PANX1: variants seen among roughly 807,000 people sequenced by gnomAD.
The protein encoded by PANX1 is pannexin-1.
Under a neutral mutation model 38.7 loss-of-function variants are expected in PANX1, and 30 were observed. The ratio of observed to expected loss-of-function variants is 0.78; its 90% CI spans 0.58 to 1.05. The LOEUF (loss-of-function observed/expected upper bound fraction) is 1.05. Among genes scored for constraint, PANX1 ranks in the 50% least tolerant of loss-of-function variants. PANX1 has a pLI of 0.00. For missense variants in PANX1, 551 were observed against 517.2 expected, an observed-to-expected ratio of 1.07 and a Z score of -0.63; for synonymous variants, 230 against 212.2, an observed-to-expected ratio of 1.08 and a Z score of -0.73.
chr11:94,136,113 C>G (rs897177460), intron 1 of PANX1, among the ~76,000 whole-genome samples: 4 of 152,038 alleles, frequency 2.6e-5, no homozygotes, highest in African/African-American at 4.8e-5. Flanking sequence ...GGAGACTAGT[C>G]GCAGCAGTAT....
intron 1 of PANX1, among the ~76,000 whole-genome samples, chr11:94,142,230 G>A (rs149928570): frequency 0.012 from 1,873 of 152,248 alleles, 38 homozygotes; most frequent in African/African-American, 0.043. Flanking sequence ...TGCTGGGGAG[G>A]GTGCCTAGTC....
At chr11:94,168,242 G>C (rs1462121471) in intron 2 of PANX1, among the ~76,000 whole-genome samples, 1 of 152,162 alleles carries the variant, frequency 6.6e-6, no homozygotes, top group Non-Finnish European at 1.5e-5. Context: ...GCACTTTCTG[G>C]GGGAGGCGTG....
In PANX1 at chr11:94,129,240, G is replaced by A; in HGVS notation, c.-73G>A. On this transcript the variant is annotated 5_prime_UTR_variant, in exon 1 of 5. In the 5' UTR this introduces an upstream ATG that the reference lacks. Coordinates refer to ENST00000227638, the MANE Select transcript of PANX1 (RefSeq NM_015368.4). ...AGCCGCGCGCCCGGCCGGTGACTGG[G>A]TGAAGGCGCCGCGCAGCTTTCCCGA... The A allele has an allele frequency of 1.5e-6, 2 of 1,378,020 alleles. No individual in the cohort carries two copies. Among genetic ancestry groups the A allele is most frequent in the Non-Finnish European group, 2.0e-6 (2 of 1,003,422 alleles). 85.4% of individuals were successfully genotyped at this position (1,378,020 alleles called of 1,614,324 possible).
In PANX1 at chr11:94,173,909, G is replaced by A. The variant is rs541644018; in HGVS notation, c.322-4460G>A. On this transcript the variant is annotated intron_variant, in intron 2 of 4. Coordinates refer to ENST00000227638, the MANE Select transcript of PANX1 (RefSeq NM_015368.4). ...AAATGTATTTCCTCCTAGTTTTGGAGGCCAGAAGTCCACAATCAAGGTGTT... is the reference window on the plus strand; with the variant it reads ...AAATGTATTTCCTCCTAGTTTTGGAAGCCAGAAGTCCACAATCAAGGTGTT... Among the ~76,000 whole-genome samples the A allele has an allele frequency of 3.0e-4, 45 of 151,800 alleles. 1 individual carries two copies. The highest frequency in any genetic ancestry group is 1.0e-3 in the African/African-American group (43 of 41,110).
chr11:94,161,214 CTT>C (rs1209310906), intron 2 of PANX1, among the ~76,000 whole-genome samples: 2 of 152,060 alleles, frequency 1.3e-5, no homozygotes, highest in African/African-American at 4.8e-5. Flanking sequence ...TGGAGTTGCT[CTT>C]CTCGAGGAGT....
At chr11:94,155,687 A>C (rs1946941720) in intron 2 of PANX1, among the ~76,000 whole-genome samples, 1 of 152,174 alleles carries the variant, frequency 6.6e-6, no homozygotes, top group African/African-American at 2.4e-5. Flanking sequence ...ATGCTGTATC[A>C]GGAGCGGTAG....
intron 1 of PANX1, among the ~76,000 whole-genome samples, chr11:94,130,961 C>T (rs1240597426): frequency 2.0e-5 from 3 of 152,212 alleles, no homozygotes; most frequent in African/African-American, 7.2e-5. Context: ...CTGCTCTTTG[C>T]GCAGGCATAG....
chr11:94,146,692 A>G (rs1946831987), intron 1 of PANX1, among the ~76,000 whole-genome samples: 1 of 152,252 alleles, frequency 6.6e-6, no homozygotes, highest in South Asian at 2.1e-4. Flanking sequence ...AGAGCATTGC[A>G]TTAAACAGGT....
chr11:94,180,128 G>A lies in PANX1; in HGVS notation c.1072G>A (p.Gly358Ser). The change falls in exon 4 of 5, where the codon GGT becomes AGT. Residue 358 changes from glycine (G) to serine (S), a missense_variant. Gly to Ser is a moderately conservative substitution (Grantham distance 56). Transcript: ENST00000227638. The stretch of plus-strand genomic sequence containing the variant: ...GGTACTGGAGAATATTAAGAGCAGT[G>A]GTCAGGGGATCGACCCAATGCTACT... ...LKVLENIKSS[G>S]QGIDPMLLLT... 6.2e-7 allele frequency: 1 copy of A among 1,613,980 alleles called. No homozygotes were observed. Among genetic ancestry groups the A allele is most frequent in the Non-Finnish European group, 8.5e-7 (1 of 1,179,956 alleles).
intron 2 of PANX1, among the ~76,000 whole-genome samples, chr11:94,161,258 C>T (rs568115835): frequency 6.6e-6 from 1 of 152,132 alleles, no homozygotes; most frequent in African/African-American, 2.4e-5. Context: ...TTTCCTGAAT[C>T]TGAATGTTGG....
At chr11:94,179,060 A>G (rs1947271161) in intron 3 of PANX1, among the ~76,000 whole-genome samples, 1 of 152,164 alleles carries the variant, frequency 6.6e-6, no homozygotes, top group Admixed American at 6.6e-5. Context: ...AATAATAATA[A>G]GAGCCATCAT....
At chr11:94,170,655 C>G (rs948073412) in intron 2 of PANX1, among the ~76,000 whole-genome samples, 3 of 151,806 alleles carry the variant, frequency 2.0e-5, no homozygotes, top group Non-Finnish European at 4.4e-5. Flanking sequence ...TGTTAGGGTC[C>G]TCTCATTCAG....
Position 94,153,537 on chromosome 11 carries a change from G to T in PANX1, c.228G>T (p.Gln76His). ...CFSPSSFSWR[Q>H]AAFVDSYCWA... ...CTCCAAGTTCTTTCTCCTGGCGTCA[G>T]GCTGCCTTTGTGGATTCATATTGCT... The change falls in exon 2 of 5, where the codon CAG (glutamine) becomes CAT (histidine). Residue 76 changes from glutamine (Q) to histidine (H), a missense_variant. Coordinates refer to ENST00000227638, the MANE Select transcript of PANX1 (RefSeq NM_015368.4). 6.2e-7 allele frequency: 1 copy of T among 1,614,132 alleles called. No individual in the cohort carries two copies. Among genetic ancestry groups the T allele is most frequent in the Non-Finnish European group, 8.5e-7 (1 of 1,179,994 alleles).
intron 1 of PANX1, among the ~76,000 whole-genome samples, chr11:94,146,719 A>AT (rs905466239): frequency 1.9e-4 from 29 of 152,344 alleles, no homozygotes; most frequent in African/African-American, 7.0e-4. Context: ...CGCCACACAC[A>AT]TTAGGGTCGC....
At chr11:94,153,931 A>G (rs907238588) in intron 2 of PANX1, among the ~76,000 whole-genome samples, 11 of 152,312 alleles carry the variant, frequency 7.2e-5, no homozygotes, top group African/African-American at 2.4e-4. Flanking sequence ...GGCCCGTAGT[A>G]GGTTCTTAGT....
chr11:94,143,432 A>G (rs1946787714), intron 1 of PANX1, among the ~76,000 whole-genome samples: 1 of 152,230 alleles, frequency 6.6e-6, no homozygotes, highest in Admixed American at 6.5e-5. Context: ...CCATTCTTCT[A>G]TCTCCAGTGC....
intron 2 of PANX1, among the ~76,000 whole-genome samples, chr11:94,175,232 A>C (rs1947219438): frequency 6.6e-6 from 1 of 151,784 alleles, no homozygotes; most frequent in Non-Finnish European, 1.5e-5. Context: ...ATTTTTATAG[A>C]ATCACTGAAA....
chr11:94,177,232 T>C (rs556740438), intron 2 of PANX1, among the ~76,000 whole-genome samples: 2 of 150,390 alleles, frequency 1.3e-5, no homozygotes, highest in South Asian at 2.1e-4. Context: ...CAGGAGAGAA[T>C]AGAGGCAGGG....
chr11:94,158,287 A>G (rs1254170055), intron 2 of PANX1, among the ~76,000 whole-genome samples: 1 of 152,202 alleles, frequency 6.6e-6, no homozygotes, highest in Non-Finnish European at 1.5e-5. Flanking sequence ...CTGTGAAGAA[A>G]GTCATTGGTA....
Sources: gnomAD v4.1 joint callset for allele counts (sites outside exome capture counted in the v4.1 genomes callset) on GRCh38, gnomAD v4.1.1 for gene constraint, MANE v1.5 for transcripts, NCBI Gene and HGNC (gene_info 2026-07-23, HGNC 2026-07-21) for gene names.